FBXO16: variants seen among roughly 807,000 people sequenced by gnomAD.
FBXO16 encodes the protein F-box only protein 16.
FBXO16 carries 31 observed loss-of-function variants against 41.0 expected under a neutral mutation model. That is an observed-to-expected ratio of 0.76 (90% CI 0.57 to 1.02). The LOEUF is 1.02. Ranked by LOEUF, FBXO16 falls within the 50% of genes least tolerant of loss-of-function variation. The probability of loss-of-function intolerance (pLI) is 0.00; values close to 1 mark genes in which losing one functional copy is unlikely to be tolerated. For synonymous variants in FBXO16, 133 were observed against 117.8 expected (o/e 1.13, Z -0.84); for missense variants, 361 against 346.2 (o/e 1.04, Z -0.34).
At chr8:28,483,671 T>TAAAC (rs201711911) in intron 1 of FBXO16, among the ~76,000 whole-genome samples, 28 of 148,122 alleles carry the variant, frequency 1.9e-4, no homozygotes, top group African/African-American at 4.2e-4. Context: ...ATAAATGTAA[T>TAAAC]AAACAAACAA....
chr8:28,450,967 T>A (rs1283290413), intron 6 of FBXO16, among the ~76,000 whole-genome samples: 3 of 152,164 alleles, frequency 2.0e-5, no homozygotes, highest in Non-Finnish European at 4.4e-5. Context: ...CTTAGCAATT[T>A]TTAAAAAATG....
At chr8:28,441,910 A>ATGTGTGTG (rs1175392833) in intron 7 of FBXO16, among the ~76,000 whole-genome samples, 112 of 107,890 alleles carry the variant, frequency 1.0e-3, no homozygotes, top group African/African-American at 4.6e-3. Flanking sequence ...GTATATATAT[A>ATGTGTGTG]TGTGTGTGTG....
At chr8:28,466,674 A>G (rs1047764135) in intron 3 of FBXO16, among the ~76,000 whole-genome samples, 9 of 151,442 alleles carry the variant, frequency 5.9e-5, no homozygotes, top group African/African-American at 2.2e-4. Context: ...AGGCGCCTGT[A>G]GTCCCAGTTA....
intron 4 of FBXO16, among the ~76,000 whole-genome samples, chr8:28,457,199 T>C (rs1803053199): frequency 6.6e-6 from 1 of 152,208 alleles, no homozygotes; most frequent in African/African-American, 2.4e-5. Flanking sequence ...ATTATCTTCA[T>C]AGCAACCTAG....
Position 28,452,450 on chromosome 8 carries a change from G to T in FBXO16, c.534C>A (p.Ile178=), listed in dbSNP as rs754859131. 1.9e-6 allele frequency: 3 copies of T among 1,614,072 alleles called. No individual in the cohort carries two copies. The highest frequency in any genetic ancestry group is 1.3e-5 in the African/African-American group (1 of 75,044). Residue 178 remains isoleucine, a synonymous_variant, in exon 6 of 9, where the codon ATC becomes ATA. Transcript: ENST00000380254. ...TGCTTGTAACTAGTTGAACGTCAGC[G>T]ATTACAAATCCATCCTTTGGGGGTG... is the stretch of plus-strand genomic sequence containing the variant. The part of the protein sequence containing the change: ...PKTPPKDGFV[I]ADVQLVTSNS...
chr8:28,489,812 T>A (rs1420446678), intron 1 of FBXO16, among the ~76,000 whole-genome samples: 2 of 152,154 alleles, frequency 1.3e-5, no homozygotes, highest in Non-Finnish European at 2.9e-5. Flanking sequence ...TTACTGAGCA[T>A]AATAGGACTG....
intron 2 of FBXO16, among the ~76,000 whole-genome samples, chr8:28,476,910 C>T (rs1473414592): frequency 6.6e-6 from 1 of 152,154 alleles, no homozygotes; most frequent in Non-Finnish European, 1.5e-5. Context: ...TATACACATA[C>T]ATAATGAAAT....
At chr8:28,445,545 C>T (rs566719347) in intron 7 of FBXO16, among the ~76,000 whole-genome samples, 7 of 152,294 alleles carry the variant, frequency 4.6e-5, no homozygotes, top group South Asian at 4.1e-4. Context: ...GGCAGAAGCA[C>T]GACATAATGG....
intron 7 of FBXO16, among the ~76,000 whole-genome samples, chr8:28,430,898 G>A (rs1170549057): frequency 6.6e-6 from 1 of 152,118 alleles, no homozygotes; most frequent in Non-Finnish European, 1.5e-5. Flanking sequence ...CTTGAACCTG[G>A]GAGGCAGAGG....
intron 7 of FBXO16, among the ~76,000 whole-genome samples, chr8:28,429,675 G>A (rs1802578689): frequency 6.6e-6 from 1 of 151,224 alleles, no homozygotes; most frequent in Non-Finnish European, 1.5e-5. Context: ...CGTGGTGGGT[G>A]GGTATGTTTG....
chr8:28,429,505 G>A (rs774994072), intron 7 of FBXO16, 102 bp from the exon 8 acceptor site: 50 of 1,398,626 alleles, frequency 3.6e-5, no homozygotes, highest in East Asian at 7.0e-5. Flanking sequence ...TTCAAAGTTC[G>A]CCCTTATCTT....
chr8:28,454,091 C>T (rs1802997736), intron 5 of FBXO16, among the ~76,000 whole-genome samples: 1 of 151,728 alleles, frequency 6.6e-6, no homozygotes, highest in Non-Finnish European at 1.5e-5. Flanking sequence ...ACTTGAACTC[C>T]GGAGGCAGAG....
Position 28,472,504 on chromosome 8 carries a change from G to A in FBXO16, c.135+1268C>T, listed in dbSNP as rs552410710. On this transcript the variant is annotated intron_variant, in intron 3 of 8. Coordinates refer to ENST00000380254, the MANE Select transcript of FBXO16 (RefSeq NM_172366.4). The stretch of plus-strand genomic sequence containing the variant: ...AATCCCAGCACTTTGGGAGGTCAAG[G>A]GGGGGCGGGGTGGATCACCTGAGGT... Among the ~76,000 whole-genome samples the A allele has an allele frequency of 1.5e-4, 23 of 152,182 alleles. No individual in the cohort carries two copies. The East Asian group carries it at 3.5e-3, about 23-fold the overall frequency.
At chr8:28,454,629 G>A (rs1803008175) in intron 5 of FBXO16, among the ~76,000 whole-genome samples, 1 of 150,600 alleles carries the variant, frequency 6.6e-6, no homozygotes, top group African/African-American at 2.5e-5. Flanking sequence ...TCAGGAGGCT[G>A]AGGAAGGAGA....
intron 6 of FBXO16, among the ~76,000 whole-genome samples, chr8:28,451,886 A>G (rs1292122490): frequency 6.6e-6 from 1 of 151,976 alleles, no homozygotes; most frequent in Non-Finnish European, 1.5e-5. Context: ...TGGTAGGCTG[A>G]AGCAGGAGAA....
intron 4 of FBXO16, among the ~76,000 whole-genome samples, chr8:28,457,814 T>C (rs934562066): frequency 6.6e-6 from 1 of 152,354 alleles, no homozygotes; most frequent in Admixed American, 6.5e-5. Context: ...ATGTGATGTA[T>C]AGAGCCTTTA....
At chr8:28,435,338 T>TG (rs1403620239) in intron 7 of FBXO16, among the ~76,000 whole-genome samples, 1 of 151,832 alleles carries the variant, frequency 6.6e-6, no homozygotes, top group African/African-American at 2.4e-5. Context: ...ACCCAGCTAA[T>TG]TTTTTTTGTA....
At chr8:28,434,662 T>A (rs1252987563) in intron 7 of FBXO16, among the ~76,000 whole-genome samples, 1 of 152,254 alleles carries the variant, frequency 6.6e-6, no homozygotes, top group Non-Finnish European at 1.5e-5. Flanking sequence ...CGTTTTATTA[T>A]GACTCCCAGT....
chr8:28,466,042 C>T (rs1260013631), intron 3 of FBXO16, among the ~76,000 whole-genome samples: 2 of 151,934 alleles, frequency 1.3e-5, no homozygotes, highest in African/African-American at 2.4e-5. Context: ...GAGTTCAAGA[C>T]CAGCCTGACC....
Sources: gnomAD v4.1 joint callset for allele counts (sites outside exome capture counted in the v4.1 genomes callset) on GRCh38, gnomAD v4.1.1 for gene constraint, MANE v1.5 for transcripts, NCBI Gene and HGNC (gene_info 2026-07-23, HGNC 2026-07-21) for gene names.